VTCN1: variants seen among roughly 807,000 people sequenced by gnomAD.
The protein encoded by VTCN1 is V-set domain containing T cell activation inhibitor 1, also known as V-set domain-containing T-cell activation inhibitor 1.
VTCN1 carries 26 observed loss-of-function variants against 26.5 expected under a neutral mutation model. The observed-to-expected ratio is 0.98, with a 90% CI of 0.72 to 1.36. The LOEUF is 1.36. VTCN1 is among the 40% of genes most tolerant of loss of function. The pLI is 0.00. For synonymous variants in VTCN1, 116 were observed against 130.7 expected (o/e 0.89, Z 0.77); for missense variants, 298 against 337.7 (o/e 0.88, Z 0.92).
chr1:117,192,290 C>T (rs1648285852), intron 1 of VTCN1, among the ~76,000 whole-genome samples: 1 of 151,962 alleles, frequency 6.6e-6, no homozygotes, highest in South Asian at 2.1e-4. Flanking sequence ...AAATACTAAA[C>T]CTAACAAAAC....
At chr1:117,178,300 A>G (rs1450447517) in intron 1 of VTCN1, among the ~76,000 whole-genome samples, 1 of 140,026 alleles carries the variant, frequency 7.1e-6, no homozygotes, top group African/African-American at 2.7e-5. Flanking sequence ...TCTGTGACCC[A>G]GGCTGGAGTG....
rs1651461716 is a variant in VTCN1, at chr1:117,145,509, G to A, written c.*46-284C>T. On this transcript the variant is annotated intron_variant, in intron 5 of 5. Coordinates refer to ENST00000369458, the MANE Select transcript of VTCN1 (RefSeq NM_024626.4). This position sits in a 1 kb window ranked among gnomAD's most constrained non-coding sequence, Gnocchi z 4.6. ...GTAAATGAGAACTGAGAGGAGTCTG[G>A]GCAGGCTCCTGAATAGAGGTGGAAA... 6.6e-6 allele frequency among the ~76,000 whole-genome samples: 1 copy of A among 152,270 alleles called. No individual in the cohort carries two copies. Among genetic ancestry groups the A allele is most frequent in the African/African-American group, 2.4e-5 (1 of 41,546 alleles).
intron 1 of VTCN1, among the ~76,000 whole-genome samples, chr1:117,199,459 G>A (rs1648685233): frequency 6.6e-6 from 1 of 152,078 alleles, no homozygotes; most frequent in Non-Finnish European, 1.5e-5. Context: ...CCGAGTAGCT[G>A]GGATTGCAGA....
At position 117,158,720 on chromosome 1, in the gene VTCN1, C is replaced by T. The variant is rs551406483; in HGVS notation, c.98-1799G>A. 3.2e-4 allele frequency among the ~76,000 whole-genome samples: 48 copies of T among 152,290 alleles called. 1 individual carries two copies. The South Asian group carries it at 1.0e-2, about 32-fold the overall frequency. ...TCCTCAGAAAATGGGTTTTTCTTTT[C>T]TTTCACATTGTCAGGCTGCAAATTT... On this transcript the variant is annotated intron_variant, in intron 2 of 5. Coordinates refer to ENST00000369458, the MANE Select transcript of VTCN1 (RefSeq NM_024626.4).
Position 117,175,519 on chromosome 1 carries a change from G to A in VTCN1, c.33-5348C>T, listed in dbSNP as rs535972888. ...AATTCTTTTTCATAAAATAAAAATA[G>A]AACTGAAAGCCATGCTAAGCTTTTC... is the stretch of plus-strand genomic sequence containing the variant. On this transcript the variant is annotated intron_variant, in intron 1 of 5. Coordinates refer to ENST00000369458, the MANE Select transcript of VTCN1 (RefSeq NM_024626.4). The surrounding 1 kb of genome is among the most constrained non-coding windows in gnomAD (Gnocchi z 4.2). 5.9e-5 allele frequency among the ~76,000 whole-genome samples: 9 copies of A among 152,282 alleles called. No individual in the cohort carries two copies. In the South Asian group the frequency reaches 1.7e-3, roughly 28 times the overall value.
At chr1:117,172,639 G>A (rs887200913) in intron 1 of VTCN1, among the ~76,000 whole-genome samples, 1 of 151,574 alleles carries the variant, frequency 6.6e-6, no homozygotes, top group Admixed American at 6.6e-5. Context: ...GGCTGCATGT[G>A]TCCCCCCCCA....
chr1:117,151,673 T>G (rs1209734257), intron 4 of VTCN1, among the ~76,000 whole-genome samples: 2 of 152,202 alleles, frequency 1.3e-5, no homozygotes, highest in Non-Finnish European at 2.9e-5. Flanking sequence ...ATCCTCTAGC[T>G]AGACAGAAAA....
At position 117,200,569 on chromosome 1, in the gene VTCN1, C is replaced by G. The variant is rs561958583; in HGVS notation, c.32+10255G>C. On this transcript the variant is annotated intron_variant, in intron 1 of 5. Transcript: ENST00000369458. ...ACCCTTTGAATATCTTCTTTGCCTC[C>G]TTACCCAGATGTAGCCCGCCTACAT... is the stretch of plus-strand genomic sequence containing the variant. Among the ~76,000 whole-genome samples the G allele has an allele frequency of 1.4e-3, 214 of 152,284 alleles. 1 individual carries two copies. The highest frequency in any genetic ancestry group is 5.1e-3 in the African/African-American group (210 of 41,562).
intron 2 of VTCN1, among the ~76,000 whole-genome samples, chr1:117,166,754 A>T (rs1225822926): frequency 6.6e-6 from 1 of 152,046 alleles, no homozygotes; most frequent in Non-Finnish European, 1.5e-5. Context: ...AAGTTATTCC[A>T]AAATATTTGG....
At chr1:117,157,445 T>C (rs1455771714) in intron 2 of VTCN1, among the ~76,000 whole-genome samples, 1 of 152,054 alleles carries the variant, frequency 6.6e-6, no homozygotes, top group Non-Finnish European at 1.5e-5. Context: ...TCTTACATGG[T>C]GGTGGCAAGA....
At chr1:117,201,693 G>C (rs1374364663) in intron 1 of VTCN1, among the ~76,000 whole-genome samples, 1 of 152,206 alleles carries the variant, frequency 6.6e-6, no homozygotes, top group African/African-American at 2.4e-5. Flanking sequence ...TGGGGTGAGG[G>C]GGAGCTTAAA....
intron 1 of VTCN1, among the ~76,000 whole-genome samples, chr1:117,205,157 T>TAGAGAGAGAG (rs60000486): frequency 7.2e-6 from 1 of 137,994 alleles, no homozygotes; most frequent in Non-Finnish European, 1.5e-5. Flanking sequence ...TATATATATA[T>TAGAGAGAGAG]AGAGAGAGAG....
chr1:117,195,786 C>G (rs1316654593), intron 1 of VTCN1, among the ~76,000 whole-genome samples: 1 of 152,106 alleles, frequency 6.6e-6, no homozygotes, highest in African/African-American at 2.4e-5. Flanking sequence ...TCCAGTAATT[C>G]TACTTCTAGG....
At chr1:117,186,747 C>T (rs60111615) in intron 1 of VTCN1, among the ~76,000 whole-genome samples, 3,022 of 152,248 alleles carry the variant, frequency 0.02, 97 homozygotes, top group African/African-American at 0.068. Flanking sequence ...CTGAATTATC[C>T]AGGCCAGTGG....
At chr1:117,189,149 A>G (rs1439020304) in intron 1 of VTCN1, among the ~76,000 whole-genome samples, 1 of 152,056 alleles carries the variant, frequency 6.6e-6, no homozygotes, top group African/African-American at 2.4e-5. Flanking sequence ...ACCAACTTCT[A>G]CCCTTCTTAT....
At chr1:117,165,687 T>C (rs1652573995) in intron 2 of VTCN1, among the ~76,000 whole-genome samples, 1 of 152,246 alleles carries the variant, frequency 6.6e-6, no homozygotes, top group Non-Finnish European at 1.5e-5. Flanking sequence ...TCCAGCACCA[T>C]GCTTCCTGTA....
At chr1:117,174,103 C>T (rs1413040322) in intron 1 of VTCN1, among the ~76,000 whole-genome samples, 1 of 152,204 alleles carries the variant, frequency 6.6e-6, no homozygotes, top group African/African-American at 2.4e-5. Flanking sequence ...AAATATTTCA[C>T]TTCAGGGGTT....
intron 1 of VTCN1, chr1:117,203,704 G>A: frequency 3.0e-6 from 3 of 985,280 alleles, no homozygotes; most frequent in Non-Finnish European, 3.6e-6. Context: ...AATGTGGAAT[G>A]ATAAATGATC....
rs1044329492 is a variant in VTCN1, at chr1:117,143,599, T to C, written c.*1672A>G. 1 of 152,192 alleles carries C rather than the reference T, an allele frequency of 6.6e-6. No individual in the cohort carries two copies. The highest frequency in any genetic ancestry group is 2.4e-5 in the African/African-American group (1 of 41,446). 9.4% of individuals were successfully genotyped at this position (152,192 alleles called of 1,614,324 possible). A position where few individuals can be genotyped will look rare whatever the true frequency, so the allele number is the denominator to read the frequency against. Reference sequence around the variant, plus strand: ...ACCAGGCAGACAATGGTGTAGGAAATGTATATTTAATCATTCTCTTGAACG... The same window carrying C: ...ACCAGGCAGACAATGGTGTAGGAAACGTATATTTAATCATTCTCTTGAACG... On this transcript the variant is annotated 3_prime_UTR_variant, in exon 6 of 6. Coordinates refer to ENST00000369458, the MANE Select transcript of VTCN1 (RefSeq NM_024626.4).
Sources: gnomAD v4.1 joint callset for allele counts (sites outside exome capture counted in the v4.1 genomes callset) on GRCh38, gnomAD v4.1.1 for gene constraint, Gnocchi (gnomAD v3.1) non-coding constraint, MANE v1.5 for transcripts, NCBI Gene and HGNC (gene_info 2026-07-23, HGNC 2026-07-21) for gene names.